EIF4ENIF1: variants seen among roughly 807,000 people sequenced by gnomAD.
EIF4ENIF1 encodes the protein eukaryotic translation initiation factor 4E transporter.
EIF4ENIF1 carries 23 observed loss-of-function variants against 110.5 expected under a neutral mutation model. The ratio of observed to expected loss-of-function variants is 0.21; its 90% confidence interval spans 0.15 to 0.29. The LOEUF (loss-of-function observed/expected upper bound fraction) is 0.29, where lower values mean the gene tolerates loss of function less well. Among genes scored for constraint, EIF4ENIF1 ranks in the 10% least tolerant of loss-of-function variants. The pLI is 1.00. For synonymous variants in EIF4ENIF1, 440 were observed against 437.0 expected (o/e 1.01, Z -0.09); for missense variants, 1,031 against 1,221.1 (o/e 0.84, Z 2.32).
At chr22:31,457,868 A>C (rs1367225440) in intron 7 of EIF4ENIF1, among the ~76,000 whole-genome samples, 1 of 152,226 alleles carries the variant, frequency 6.6e-6, no homozygotes, top group African/African-American at 2.4e-5. Context: ...AGCATGATAC[A>C]TCACTGTGAA....
intron 4 of EIF4ENIF1, among the ~76,000 whole-genome samples, chr22:31,467,058 T>C (rs1197760563): frequency 6.6e-6 from 1 of 152,200 alleles, no homozygotes; most frequent in Non-Finnish European, 1.5e-5. Context: ...AATAAACACA[T>C]CTGCAACATG....
chr22:31,479,213 C>T (rs2051715653), intron 2 of EIF4ENIF1, among the ~76,000 whole-genome samples: 1 of 151,880 alleles, frequency 6.6e-6, no homozygotes, highest in Admixed American at 6.6e-5. Flanking sequence ...ATTACAGGCT[C>T]ATGCCGCCAT....
At chr22:31,471,060 G>A (rs1403247241) in intron 3 of EIF4ENIF1, among the ~76,000 whole-genome samples, 1 of 151,650 alleles carries the variant, frequency 6.6e-6, no homozygotes, top group Non-Finnish European at 1.5e-5. Flanking sequence ...GCCATAAGTA[G>A]TACAATATAG....
upstream of EIF4ENIF1, among the ~76,000 whole-genome samples, chr22:31,491,496 C>G (rs1232252754): frequency 6.6e-6 from 1 of 151,944 alleles, no homozygotes; most frequent in Non-Finnish European, 1.5e-5. Flanking sequence ...CCTCATTTTT[C>G]CGAAAGGGAT....
At chr22:31,486,920 T>TA (rs55836026) in intron 2 of EIF4ENIF1, among the ~76,000 whole-genome samples, 120,604 of 141,810 alleles carry the variant, frequency 0.85, 51,244 homozygotes, top group East Asian at 0.97. Flanking sequence ...GTCTCTACTA[T>TA]AAAAAAAAAA....
In EIF4ENIF1 at chr22:31,440,794, G is replaced by A. The variant is rs1452500802; in HGVS notation, c.2626C>T (p.Pro876Ser). ...AGAGGGTGACTAGCAGCAGGTAAAG[G>A]GTAAAAGGGCTGACCCAGGATGGGG... The part of the protein sequence containing the change: ...SGPILGQPFY[P>S]LPAASHPLLN... The change falls in exon 18 of 19, where the codon CCT (proline) becomes TCT (serine). Residue 876 changes from proline (P) to serine (S), a missense_variant. Around this residue, in one of 3 missense-constraint regions of EIF4ENIF1, gnomAD observed 309 missense variants for 299.1 expected, o/e 1.03. Transcript: ENST00000330125. 3.1e-6 allele frequency: 5 copies of A among 1,613,856 alleles called. No individual in the cohort carries two copies. The highest frequency in any genetic ancestry group is 1.3e-5 in the African/African-American group (1 of 74,910).
At chr22:31,462,262 A>G (rs1327189678) in intron 6 of EIF4ENIF1, among the ~76,000 whole-genome samples, 1 of 152,040 alleles carries the variant, frequency 6.6e-6, no homozygotes, top group Non-Finnish European at 1.5e-5. Context: ...GCGGGTGATC[A>G]CCTGAGGTCA....
At chr22:31,455,752 C>G in intron 8 of EIF4ENIF1, 100 bp downstream of exon 8, 1 of 1,482,512 alleles carries the variant, frequency 6.7e-7, no homozygotes, top group South Asian at 1.2e-5. Context: ...GTCCAGAGAC[C>G]CTTTGACCCT....
At chr22:31,464,995 T>C (rs138039946) in intron 4 of EIF4ENIF1, among the ~76,000 whole-genome samples, 38 of 151,834 alleles carry the variant, frequency 2.5e-4, no homozygotes, top group South Asian at 1.0e-3. Flanking sequence ...TTTCAAAGCA[T>C]TTTTCTGATA....
At chr22:31,490,253 G>A (rs993577839), upstream of EIF4ENIF1, among the ~76,000 whole-genome samples, 3 of 152,262 alleles carry the variant, frequency 2.0e-5, no homozygotes, top group Non-Finnish European at 2.9e-5. Flanking sequence ...GGCCTGTGGC[G>A]CGACGACCGC....
In EIF4ENIF1 at chr22:31,472,631, T is replaced by C. The variant is rs2051422443; in HGVS notation, c.97-714A>G. ...AAAAACACAAAAAACATCCATATACTATGTACCTATTAACATTTCTCCCTA... is the reference window on the plus strand; with the variant it reads ...AAAAACACAAAAAACATCCATATACCATGTACCTATTAACATTTCTCCCTA... On this transcript the variant is annotated intron_variant, in intron 2 of 18. Transcript: ENST00000330125. Among the ~76,000 whole-genome samples the C allele has an allele frequency of 2.0e-5, 3 of 152,194 alleles. No homozygotes were observed. In the South Asian group the frequency reaches 6.2e-4, roughly 31 times the overall value.
Position 31,471,857 on chromosome 22 carries a change from C to T in EIF4ENIF1, c.157G>A (p.Glu53Lys). The T allele has an allele frequency of 6.2e-7, 1 of 1,603,832 alleles. No individual in the cohort carries two copies. Among genetic ancestry groups the T allele is most frequent in the East Asian group, 2.3e-5 (1 of 44,386 alleles). ...TGACACACATACCTGTCATATTTTT[C>T]AGAAAGGCATGAAGGCCTCTGTTTG... ...HSKQRPSCLS[E>K]KYDSDGVWDP... The change falls in exon 3 of 19, where the codon GAA (glutamate) becomes AAA (lysine). Residue 53 changes from glutamate (E) to lysine (K), a missense_variant. Glu to Lys is a moderately conservative substitution (Grantham distance 56). This residue lies in a region of EIF4ENIF1 where 704 missense variants were observed against 879.7 expected (regional missense o/e 0.80). Transcript: ENST00000330125.
intron 16 of EIF4ENIF1, 108 bp from the exon 17 acceptor site, chr22:31,442,226 A>G: frequency 2.3e-6 from 2 of 868,316 alleles, no homozygotes; most frequent in South Asian, 3.4e-5. Context: ...CTTATCTGAT[A>G]CCCTTAACAA....
chr22:31,477,376 A>AC (rs1271921741), intron 2 of EIF4ENIF1, among the ~76,000 whole-genome samples: 2 of 55,108 alleles, frequency 3.6e-5, no homozygotes, highest in Admixed American at 1.7e-4. Flanking sequence ...AAAAAAAAAC[A>AC]AAAAAAACAA....
At chr22:31,438,117 C>A (rs190669273), downstream of EIF4ENIF1, among the ~76,000 whole-genome samples, 3 of 152,260 alleles carry the variant, frequency 2.0e-5, no homozygotes, top group South Asian at 2.1e-4. Flanking sequence ...CCCTTGTAGT[C>A]AAAAATCCAA....
chr22:31,483,694 C>CT (rs1274193414), intron 2 of EIF4ENIF1, among the ~76,000 whole-genome samples: 1 of 152,104 alleles, frequency 6.6e-6, no homozygotes, highest in African/African-American at 2.4e-5. Flanking sequence ...AGGGAGCACA[C>CT]TTTGAGAACC....
chr22:31,471,873 C>T lies in EIF4ENIF1; in HGVS notation c.141G>A (p.Arg47=), dbSNP rs746331749. 1.9e-6 allele frequency: 3 copies of T among 1,606,870 alleles called. No individual in the cohort carries two copies. The highest frequency in any genetic ancestry group is 1.7e-5 in the Admixed American group (1 of 58,074). Reference sequence around the variant, plus strand: ...CATATTTTTCAGAAAGGCATGAAGGCCTCTGTTTGGAATGGGGGAGTTCTT... The same window carrying T: ...CATATTTTTCAGAAAGGCATGAAGGTCTCTGTTTGGAATGGGGGAGTTCTT... ...DIKELPHSKQ[R]PSCLSEKYDS... The change falls in exon 3 of 19, where the codon AGG becomes AGA. Residue 47 remains arginine, a synonymous_variant. Transcript: ENST00000330125.
chr22:31,485,220 A>G (rs1245865375), intron 2 of EIF4ENIF1, among the ~76,000 whole-genome samples: 1 of 152,204 alleles, frequency 6.6e-6, no homozygotes, highest in East Asian at 1.9e-4. Flanking sequence ...AAAGACTTAA[A>G]TCTAAGCTCC....
chr22:31,473,939 C>T (rs2051480265), intron 2 of EIF4ENIF1, among the ~76,000 whole-genome samples: 1 of 152,060 alleles, frequency 6.6e-6, no homozygotes, highest in South Asian at 2.1e-4. Context: ...CCACTCTAGC[C>T]CTCTCTCCAC....
Sources: gnomAD v4.1 joint callset for allele counts (sites outside exome capture counted in the v4.1 genomes callset) on GRCh38, gnomAD v4.1.1 for gene constraint, gnomAD v4.1.1 regional missense constraint, MANE v1.5 for transcripts, NCBI Gene and HGNC (gene_info 2026-07-23, HGNC 2026-07-21) for gene names.